Variants in CLEC1B observed in about 807,000 individuals in gnomAD.
CLEC1B encodes the protein C-type lectin domain family 1 member B.
Under a neutral mutation model 26.7 loss-of-function variants are expected in CLEC1B, and 26 were observed. The ratio of observed to expected loss-of-function variants is 0.97; its 90% CI spans 0.71 to 1.35. The LOEUF (loss-of-function observed/expected upper bound fraction) is 1.35, where lower values mean the gene tolerates loss of function less well. CLEC1B is among the 40% of genes most tolerant of loss of function. The pLI is 0.00. For synonymous variants in CLEC1B, 112 were observed against 96.0 expected, an observed-to-expected ratio of 1.17 and a Z score of -0.97; for missense variants, 293 against 282.6, an observed-to-expected ratio of 1.04 and a Z score of -0.26.
At chr12:9,995,304 T>C (rs767104741) in intron 4 of CLEC1B, 58 bp from the exon 5 acceptor site, 66 of 1,403,232 alleles carry the variant, frequency 4.7e-5, no homozygotes, top group Non-Finnish European at 5.9e-5. Flanking sequence ...CTTGGTATGA[T>C]AGACAAAGCT....
intron 5 of CLEC1B, among the ~76,000 whole-genome samples, chr12:9,993,598 G>A (rs1409232042): frequency 1.3e-5 from 2 of 152,094 alleles, no homozygotes; most frequent in Non-Finnish European, 2.9e-5. Context: ...TTATCTACAA[G>A]ATCAGACTTT....
chr12:10,000,427 A>C (rs10505743), upstream of CLEC1B, among the ~76,000 whole-genome samples: 10,367 of 152,312 alleles, frequency 0.068, 434 homozygotes, highest in Middle Eastern at 0.092. Flanking sequence ...AACACGTATA[A>C]AAGACATTCC....
intron 5 of CLEC1B, among the ~76,000 whole-genome samples, chr12:9,994,222 C>G (rs556358249): frequency 2.6e-5 from 4 of 151,970 alleles, no homozygotes; most frequent in African/African-American, 9.7e-5. Context: ...AAGACAAAAG[C>G]CTTAAGGTAA....
intron 4 of CLEC1B, chr12:9,996,633 T>G: frequency 3.0e-6 from 2 of 665,862 alleles, no homozygotes; most frequent in South Asian, 3.1e-5. Flanking sequence ...AAGGGACAAG[T>G]CAATTTGACT....
Position 9,995,249 on chromosome 12 carries a change from A to G in CLEC1B, c.439-3T>C, listed in dbSNP as rs777866759. 14 of 1,607,852 alleles carry G rather than the reference A, an allele frequency of 8.7e-6. No individual in the cohort carries two copies. The African/African-American group carries it at 1.9e-4, about 22-fold the overall frequency. On this transcript the variant is annotated splice_polypyrimidine_tract_variant and splice_region_variant and intron_variant, in intron 4 of 5. Coordinates refer to ENST00000298527, the MANE Select transcript of CLEC1B (RefSeq NM_016509.4). ...TGAGTCCTGGCTTTGATGTACTCCT[A>G]TTGTAAACATAAATAAACACAATGG...
intron 2 of CLEC1B, 125 bp downstream of exon 2, chr12:9,998,157 T>C (rs1239342496): frequency 4.2e-6 from 3 of 710,090 alleles, no homozygotes; most frequent in African/African-American, 3.6e-5. Context: ...TTGGCAACTA[T>C]CTGTAGGACA....
intron 4 of CLEC1B, 146 bp downstream of exon 4, chr12:9,996,700 T>C: frequency 1.2e-6 from 1 of 808,954 alleles, no homozygotes; most frequent in Non-Finnish European, 2.1e-6. Flanking sequence ...CTGGGTTCTG[T>C]AATTCTTACT....
upstream of CLEC1B, among the ~76,000 whole-genome samples, chr12:9,999,504 A>C (rs922537913): frequency 6.6e-6 from 1 of 152,178 alleles, no homozygotes; most frequent in Non-Finnish European, 1.5e-5. Flanking sequence ...TCTGCTGAAA[A>C]TTCATGGATA....
intron 2 of CLEC1B, 60 bp downstream of exon 2, chr12:9,998,222 T>C (rs1402415654): frequency 1.6e-6 from 2 of 1,274,144 alleles, no homozygotes; most frequent in East Asian, 4.6e-5. Flanking sequence ...TAGTGGGATA[T>C]GCCATGACCC....
At chr12:10,000,508 A>C (rs943324511), upstream of CLEC1B, among the ~76,000 whole-genome samples, 5 of 152,248 alleles carry the variant, frequency 3.3e-5, no homozygotes, top group African/African-American at 9.6e-5. Flanking sequence ...TTAAAAAAAA[A>C]CACATTTGAA....
rs778428448 is a variant in CLEC1B, at chr12:9,997,229, T to G, written c.214A>C (p.Thr72Pro). The change falls in exon 3 of 6, where the codon ACT becomes CCT. Residue 72 changes from threonine (T) to proline (P), a missense_variant. Thr to Pro is a conservative substitution (Grantham distance 38, BLOSUM62 -1). Coordinates refer to ENST00000298527, the MANE Select transcript of CLEC1B (RefSeq NM_016509.4). ...AAGCGCTTTGCTAATTGTTGCAGAG[T>G]TCCTGTGCGATTTTCATTCTCACCT... ...LQGENENRTGTLQQLAKRFCQ... is the reference protein window; with the variant it reads ...LQGENENRTGPLQQLAKRFCQ... The G allele has an allele frequency of 6.2e-7, 1 of 1,613,742 alleles. No individual in the cohort carries two copies. The highest frequency in any genetic ancestry group is 1.1e-5 in the South Asian group (1 of 91,072).
upstream of CLEC1B, among the ~76,000 whole-genome samples, chr12:10,001,642 A>T (rs1865160648): frequency 6.6e-6 from 1 of 152,192 alleles, no homozygotes; most frequent in Non-Finnish European, 1.5e-5. Flanking sequence ...ACATTCTATA[A>T]ATGTAAGTTG....
Position 9,998,286 on chromosome 12 carries a change from A to T in CLEC1B, c.159T>A (p.Ile53=). 1.2e-6 allele frequency: 2 copies of T among 1,613,674 alleles called. No homozygotes were observed. Among genetic ancestry groups the T allele is most frequent in the Non-Finnish European group, 1.7e-6 (2 of 1,179,698 alleles). ...GMVVGLVALG[I]WSVMQRNYLQ... is the part of the protein sequence containing the mutation. The stretch of plus-strand genomic sequence containing the variant: ...TCTGGCAGAGTCAACACTTACACCA[A>T]ATCCCCAGAGCCACCAGCCCGACAA... The change falls in exon 2 of 6, where the codon ATT becomes ATA. Residue 53 remains isoleucine (I), a synonymous_variant. Coordinates refer to ENST00000298527, the MANE Select transcript of CLEC1B (RefSeq NM_016509.4).
Position 9,993,084 on chromosome 12 carries a change from A to G in CLEC1B, c.*59T>C. On this transcript the variant is annotated 3_prime_UTR_variant, in exon 6 of 6. Transcript: ENST00000298527. ...AATTTTCAGCTACTGATGCATTCAT[A>G]CATATCTTTTATTGTACAATAAAGC... is the stretch of plus-strand genomic sequence containing the variant. The G allele has an allele frequency of 6.6e-7, 1 of 1,506,312 alleles. No individual in the cohort carries two copies. The highest frequency in any genetic ancestry group is 1.2e-5 in the South Asian group (1 of 82,042). The allele number at this position is 1,506,312 out of a possible 1,614,324, so 93.3% of individuals were successfully genotyped here.
At chr12:9,999,351 T>C (rs1865127584), upstream of CLEC1B, 1 of 342,722 alleles carries the variant, frequency 2.9e-6, no homozygotes, top group Admixed American at 4.7e-5. Flanking sequence ...AAGGAGTAGA[T>C]AAGGTATTTG....
Position 9,999,021 on chromosome 12 carries a change from C to G in CLEC1B, c.64+16G>C. 1 of 1,474,430 alleles carries G rather than the reference C, an allele frequency of 6.8e-7. No individual in the cohort carries two copies. The highest frequency in any genetic ancestry group is 9.5e-7 in the Non-Finnish European group (1 of 1,058,116). The allele number at this position is 1,474,430 out of a possible 1,614,324, so 91.3% of individuals were successfully genotyped here. ...TTTAAATTAATTTCCAAATTATTGG[C>G]TCTGAGCATTCTTACCGGAGATGAG... On this transcript the variant is annotated intron_variant, in intron 1 of 5. Coordinates refer to ENST00000298527, the MANE Select transcript of CLEC1B (RefSeq NM_016509.4).
intron 4 of CLEC1B, chr12:9,995,478 C>G: frequency 2.2e-6 from 1 of 455,894 alleles, no homozygotes; most frequent in Admixed American, 3.2e-5. Flanking sequence ...ATATTCTAAT[C>G]TTCTTTTGTG....
intron 5 of CLEC1B, 183 bp from the exon 6 acceptor site, chr12:9,993,470 T>C: frequency 1.7e-6 from 1 of 602,484 alleles, no homozygotes; most frequent in Non-Finnish European, 2.9e-6. Context: ...AAGATATGCA[T>C]ATTTAAAAAG....
rs1865079742 is a variant in CLEC1B at position 9,997,337 on chromosome 12, A to T, written c.164-58T>A. 7.4e-6 allele frequency: 11 copies of T among 1,484,892 alleles called. No homozygotes were observed. The Admixed American group carries it at 1.5e-4, about 20-fold the overall frequency. The allele number at this position is 1,484,892 out of a possible 1,614,324, so 92.0% of individuals were successfully genotyped here. A position where few individuals can be genotyped will look rare whatever the true frequency, so the allele number is the denominator to read the frequency against. ...AATTAGAACCATAGAAATGATGCAA[A>T]GGTCTGTCATTGAATTTTCATTTCC... On this transcript the variant is annotated intron_variant, in intron 2 of 5. Coordinates refer to ENST00000298527, the MANE Select transcript of CLEC1B (RefSeq NM_016509.4).
Sources: allele counts gnomAD v4.1 joint callset (sites outside exome capture counted in the v4.1 genomes callset), GRCh38; gene constraint gnomAD v4.1.1; transcripts MANE v1.5; gene names NCBI Gene and HGNC (gene_info 2026-07-23, HGNC 2026-07-21).